Variants in GNL3L observed in about 807,000 individuals in gnomAD.
The protein encoded by GNL3L is guanine nucleotide-binding protein-like 3-like protein.
A neutral mutation model predicts 42.9 loss-of-function variants in GNL3L; 4 were observed. The ratio of observed to expected loss-of-function variants is 0.09; its 90% CI spans 0.05 to 0.21. GNL3L has a LOEUF of 0.21. Among genes scored for constraint, GNL3L ranks in the 10% least tolerant of loss-of-function variants. The pLI, the probability that GNL3L is intolerant of heterozygous loss-of-function variation, is 1.00. For missense variants in GNL3L, 412 were observed against 481.7 expected (o/e 0.86, Z 1.36); for synonymous variants, 159 against 176.3 (o/e 0.90, Z 0.78).
chrX:54,552,046 C>A, intron 12 of GNL3L, 72 bp downstream of exon 12: 1 of 1,110,628 alleles, frequency 9.0e-7, no homozygotes. Context: ...CATCTGTGCT[C>A]ATTGCCGCTG....
intron 15 of GNL3L, among the ~76,000 whole-genome samples, 162 bp downstream of exon 15, chrX:54,558,817 C>T (rs866273812): frequency 1.8e-5 from 2 of 111,610 alleles, no homozygotes; most frequent in African/African-American, 3.3e-5. Context: ...CCACCATGTC[C>T]GGCTCATTTT....
intron 16 of GNL3L, among the ~76,000 whole-genome samples, chrX:54,617,187 C>T (rs901167011): frequency 8.9e-6 from 1 of 111,943 alleles, no homozygotes; most frequent in African/African-American, 3.3e-5. Context: ...CCAATTATCC[C>T]TTTCTTTTCA....
chrX:54,634,851 A>G, the GNL3L span, among the ~76,000 whole-genome samples: 18 of 79,696 alleles, frequency 2.3e-4, no homozygotes, highest in Admixed American at 3.2e-4. Flanking sequence ...GTGCAGTGGC[A>G]TGATCTCGGC....
rs759616870 is a variant in GNL3L, at chrX:54,608,217, T to G, written c.*46-12628T>G. Among the ~76,000 whole-genome samples the G allele has an allele frequency of 4.0e-4, 45 of 111,683 alleles. No homozygotes were observed. In the South Asian group the frequency reaches 0.012, roughly 31 times the overall value. ...TAGTCATGTCTTTACTTTTTCTTTT[T>G]TTTGCCTGACACTTTCCACATGGAG... On this transcript the variant is annotated intron_variant, in intron 16 of 16. Coordinates refer to the GNL3L transcript ENST00000674498.
chrX:54,567,399 C>T (rs186474103), downstream of GNL3L, among the ~76,000 whole-genome samples: 1,215 of 110,164 alleles, frequency 0.011, 14 homozygotes, highest in African/African-American at 0.039. Context: ...GTAATCCCAG[C>T]GCTTTGGGAG....
At chrX:54,637,617 A>AC in the GNL3L span, among the ~76,000 whole-genome samples, 3 of 112,338 alleles carry the variant, frequency 2.7e-5, no homozygotes, top group African/African-American at 9.7e-5. Flanking sequence ...TAAAAAGGAC[A>AC]CTGTAGTGTA....
chrX:54,634,461 C>G, the GNL3L span, among the ~76,000 whole-genome samples: 1 of 106,300 alleles, frequency 9.4e-6, no homozygotes, highest in Non-Finnish European at 1.9e-5. Flanking sequence ...GCCATCACGC[C>G]CGGCTAATTT....
At position 54,607,056 on chromosome X, in the gene GNL3L, CTTTCTTTCTTTCTTTCTCTTTCTTTCT is replaced by C. The variant is rs1926086627; in HGVS notation, c.*46-13787_*46-13761del. Among the ~76,000 whole-genome samples, 14 of 48,123 alleles carry C rather than the reference CTTTCTTTCTTTCTTTCTCTTTCTTTCT, an allele frequency of 2.9e-4. 1 individual carries two copies. Among genetic ancestry groups the C allele is most frequent in the African/African-American group, 1.3e-3 (13 of 9,642 alleles). 41.8% of individuals were successfully genotyped at this position (48,123 alleles called of 115,157 possible). A position where few individuals can be genotyped will look rare whatever the true frequency, so the allele number is the denominator to read the frequency against. ...TCTTTCTTTCTTTCTTTCTTTCTTT[CTTTCTTTCTTTCTTTCTCTTTCTTTCT>C]TCTTTCTTTCTTTCTTTCTTTCTTT... On this transcript the variant is annotated intron_variant, in intron 16 of 16. Transcript: ENST00000674498.
At chrX:54,553,714 T>A (rs1264782601) in intron 13 of GNL3L, among the ~76,000 whole-genome samples, 1 of 111,117 alleles carries the variant, frequency 9.0e-6, no homozygotes, top group Admixed American at 9.7e-5. Context: ...TAATTTTTTT[T>A]ATTTTTAGTA....
the GNL3L span, among the ~76,000 whole-genome samples, chrX:54,632,355 C>T: frequency 0.15 from 16,224 of 110,140 alleles, 1,921 homozygotes; most frequent in African/African-American, 0.41. Context: ...AATTATTCCC[C>T]GAAATAAGTT....
chrX:54,568,210 G>A (rs933347521), downstream of GNL3L, among the ~76,000 whole-genome samples: 3 of 111,248 alleles, frequency 2.7e-5, no homozygotes, highest in Non-Finnish European at 5.7e-5. Flanking sequence ...CTTGTGATCC[G>A]CCCGCCTCAG....
intron 15 of GNL3L, among the ~76,000 whole-genome samples, chrX:54,558,970 T>C (rs1258966876): frequency 5.3e-5 from 6 of 112,312 alleles, no homozygotes; most frequent in Non-Finnish European, 1.1e-4. Context: ...CCTGGGATCT[T>C]GATTGGGGCT....
At chrX:54,625,082 T>C (rs748219953), downstream of GNL3L, among the ~76,000 whole-genome samples, 2 of 110,857 alleles carry the variant, frequency 1.8e-5, no homozygotes, top group Non-Finnish European at 3.8e-5. Flanking sequence ...TATATGCATT[T>C]TGGGGGGACA....
At chrX:54,567,481 T>C (rs1925466671), downstream of GNL3L, among the ~76,000 whole-genome samples, 1 of 109,561 alleles carries the variant, frequency 9.1e-6, no homozygotes, top group African/African-American at 3.3e-5. Flanking sequence ...ACCCCGTCTC[T>C]ACTAAAAATA....
Position 54,596,544 on chromosome X carries a change from A to C in GNL3L, c.*46-24301A>C, listed in dbSNP as rs147399269. On this transcript the variant is annotated intron_variant, in intron 16 of 16. Transcript: ENST00000674498. ...TGGGTCTCGCCCGAGGTTTACTGTA[A>C]ACACTCTCTGGCTACTGCCAATGTT... is the stretch of plus-strand genomic sequence containing the variant. Among the ~76,000 whole-genome samples the C allele has an allele frequency of 8.0e-3, 890 of 111,850 alleles. 7 individuals are homozygous for C. Among genetic ancestry groups the C allele is most frequent in the Non-Finnish European group, 0.011 (603 of 53,038 alleles).
At chrX:54,537,634 T>C (rs891885744) in intron 2 of GNL3L, among the ~76,000 whole-genome samples, 12 of 111,498 alleles carry the variant, frequency 1.1e-4, no homozygotes, top group Non-Finnish European at 2.3e-4. Context: ...TTGAATTTTT[T>C]TAAGAGACAG....
In GNL3L at chrX:54,541,486, A is replaced by G. The variant is rs898361591; in HGVS notation, c.306+97A>G. ...GAAGGTGTGAAGTTGTTGGAGGGGA[A>G]CAAGGGAATCAGTGTAGAGAGGATA... On this transcript the variant is annotated intron_variant, in intron 5 of 15. Transcript: ENST00000360845. 4.4e-5 allele frequency: 23 copies of G among 518,950 alleles called. 1 individual carries two copies. Among genetic ancestry groups the G allele is most frequent in the Non-Finnish European group, 3.8e-5 (11 of 290,239 alleles). 42.8% of individuals were successfully genotyped at this position (518,950 alleles called of 1,213,427 possible).
intron 8 of GNL3L, among the ~76,000 whole-genome samples, chrX:54,546,233 G>C (rs1243316244): frequency 1.8e-5 from 2 of 112,439 alleles, no homozygotes; most frequent in Non-Finnish European, 1.9e-5. Flanking sequence ...CTGTTTGGAA[G>C]TATTATGTAT....
At chrX:54,619,590 A>G (rs766444466) in intron 16 of GNL3L, among the ~76,000 whole-genome samples, 1 of 110,632 alleles carries the variant, frequency 9.0e-6, no homozygotes, top group Non-Finnish European at 1.9e-5. Context: ...TCCTGGGCTC[A>G]AGCAATCCTC....
Sources: gnomAD v4.1 joint callset for allele counts (sites outside exome capture counted in the v4.1 genomes callset) on GRCh38, gnomAD v4.1.1 for gene constraint, MANE v1.5 for transcripts, NCBI Gene and HGNC (gene_info 2026-07-23, HGNC 2026-07-21) for gene names.